MAGI3: variants seen among roughly 807,000 people sequenced by gnomAD.
MAGI3 encodes the protein membrane associated guanylate kinase, WW and PDZ domain containing 3, also known as membrane-associated guanylate kinase, WW and PDZ domain-containing protein 3.
In MAGI3, 43 loss-of-function variants were observed where a neutral mutation model predicts 121.8. The observed-to-expected ratio is 0.35, with a 90% CI of 0.28 to 0.46. The LOEUF (loss-of-function observed/expected upper bound fraction) is 0.46, where lower values mean the gene tolerates loss of function less well. Ranked by LOEUF, MAGI3 falls within the 20% of genes least tolerant of loss-of-function variation. MAGI3 has a pLI of 1.00. For synonymous variants in MAGI3, 553 were observed against 639.3 expected (o/e 0.86, Z 2.04); for missense variants, 1,547 against 1,797.3 (o/e 0.86, Z 2.52).
chr1:113,428,164 T>A (rs567475483), intron 1 of MAGI3, among the ~76,000 whole-genome samples: 3 of 152,234 alleles, frequency 2.0e-5, no homozygotes, highest in Non-Finnish European at 2.9e-5. Flanking sequence ...TTCAACTTGT[T>A]GTTAAAAATG....
intron 2 of MAGI3, among the ~76,000 whole-genome samples, chr1:113,550,840 T>C (rs1659755782): frequency 6.6e-6 from 1 of 151,302 alleles, no homozygotes; most frequent in Admixed American, 6.6e-5. Context: ...GTAAATCAAT[T>C]TGTAAAGCCT....
intron 5 of MAGI3, among the ~76,000 whole-genome samples, chr1:113,591,529 G>A (rs981447244): frequency 1.3e-5 from 2 of 152,108 alleles, no homozygotes; most frequent in African/African-American, 4.8e-5. Context: ...CCAAAAGAGT[G>A]AGCGTCTTGC....
chr1:113,652,559 T>C (rs1363752680), intron 14 of MAGI3, among the ~76,000 whole-genome samples: 1 of 152,076 alleles, frequency 6.6e-6, no homozygotes, highest in Non-Finnish European at 1.5e-5. Flanking sequence ...TGTGATGTTA[T>C]ACAACCTACG....
At chr1:113,437,806 T>TTCTTCTTCTTCTTC (rs1653654507) in intron 1 of MAGI3, among the ~76,000 whole-genome samples, 3 of 119,498 alleles carry the variant, frequency 2.5e-5, no homozygotes, top group African/African-American at 6.2e-5. Context: ...TCTTTCTTCT[T>TTCTTCTTCTTCTTC]TTCTTCTTCT....
intron 1 of MAGI3, among the ~76,000 whole-genome samples, chr1:113,419,489 A>G (rs868448098): frequency 2.0e-5 from 3 of 152,198 alleles, no homozygotes; most frequent in Non-Finnish European, 2.9e-5. Flanking sequence ...GAGGGCAAGT[A>G]AACCAAATGG....
intron 2 of MAGI3, among the ~76,000 whole-genome samples, chr1:113,550,479 G>C (rs1018404151): frequency 6.6e-6 from 1 of 151,836 alleles, no homozygotes; most frequent in Non-Finnish European, 1.5e-5. Context: ...AAAAAGTGAT[G>C]ACTAGAATTT....
chr1:113,681,143 G>T, intron 19 of MAGI3, 55 bp from the exon 20 acceptor site: 1 of 1,582,070 alleles, frequency 6.3e-7, no homozygotes, highest in South Asian at 1.2e-5. Context: ...GACAAAAGCA[G>T]AATTTACAAA....
At chr1:113,603,573 A>G (rs1180223774) in intron 6 of MAGI3, among the ~76,000 whole-genome samples, 1 of 152,138 alleles carries the variant, frequency 6.6e-6, no homozygotes, top group African/African-American at 2.4e-5. Context: ...ATAGACCAGT[A>G]TCCCTGATGA....
intron 1 of MAGI3, among the ~76,000 whole-genome samples, chr1:113,517,749 TC>T (rs1657998898): frequency 6.6e-6 from 1 of 152,008 alleles, no homozygotes; most frequent in Admixed American, 6.6e-5. Flanking sequence ...TAAGCATCTA[TC>T]TATACTTTTA....
chr1:113,532,626 G>T (rs1166667293), intron 1 of MAGI3, among the ~76,000 whole-genome samples: 1 of 151,836 alleles, frequency 6.6e-6, no homozygotes, highest in East Asian at 1.9e-4. Flanking sequence ...TTTGCCTACT[G>T]GTCCCTCTTT....
At chr1:113,604,344 A>G (rs891606973) in intron 6 of MAGI3, among the ~76,000 whole-genome samples, 2 of 151,950 alleles carry the variant, frequency 1.3e-5, no homozygotes, top group African/African-American at 4.8e-5. Context: ...TGAGGCGGGC[A>G]GATCACAAGG....
intron 1 of MAGI3, among the ~76,000 whole-genome samples, chr1:113,526,842 T>C (rs1294137071): frequency 6.6e-6 from 1 of 152,130 alleles, no homozygotes; most frequent in Non-Finnish European, 1.5e-5. Context: ...ATTTGGTGAT[T>C]GAAGAAGAGG....
At chr1:113,642,634 C>A in intron 10 of MAGI3, 118 bp downstream of exon 10, 1 of 1,140,794 alleles carries the variant, frequency 8.8e-7, no homozygotes, top group Non-Finnish European at 1.2e-6. Context: ...AATTAGTGTG[C>A]ATTTTCCTTA....
chr1:113,463,697 A>C (rs1402292397), intron 1 of MAGI3, among the ~76,000 whole-genome samples: 1 of 152,038 alleles, frequency 6.6e-6, no homozygotes, highest in Non-Finnish European at 1.5e-5. Flanking sequence ...GTATTTGGTG[A>C]GAGTTTCTTT....
chr1:113,463,834 T>C (rs544585304), intron 1 of MAGI3, among the ~76,000 whole-genome samples: 1 of 152,198 alleles, frequency 6.6e-6, no homozygotes, highest in East Asian at 1.9e-4. Context: ...ATTAATACTG[T>C]ATAGAATAGA....
At chr1:113,636,775 G>A (rs1315280365) in intron 9 of MAGI3, among the ~76,000 whole-genome samples, 2 of 151,736 alleles carry the variant, frequency 1.3e-5, no homozygotes, top group Non-Finnish European at 2.9e-5. Flanking sequence ...TCAATTCCTG[G>A]ATATCCTTGT....
chr1:113,585,244 A>G (rs1225828244), intron 3 of MAGI3, 143 bp from the exon 4 acceptor site: 6 of 707,676 alleles, frequency 8.5e-6, no homozygotes, highest in Non-Finnish European at 1.4e-5. Context: ...CTGGGATTAC[A>G]AGTGTGAGCC....
At position 113,658,709 on chromosome 1, in the gene MAGI3, G is replaced by C. The variant is rs1557878526; in HGVS notation, c.2630-371G>C. Among the ~76,000 whole-genome samples the C allele has an allele frequency of 6.6e-6, 1 of 152,160 alleles. No homozygotes were observed. Among genetic ancestry groups the C allele is most frequent in the Non-Finnish European group, 1.5e-5 (1 of 68,016 alleles). On this transcript the variant is annotated intron_variant, in intron 15 of 20. Transcript: ENST00000307546. This position sits in a 1 kb window ranked among gnomAD's most constrained non-coding sequence, Gnocchi z 4.0. ...TTAAAATAGCTAAAAACTTGTTGCA[G>C]CTTAAATGGCCAACAATAAACAATG...
chr1:113,618,247 A>T (rs1650598859), intron 7 of MAGI3, among the ~76,000 whole-genome samples: 1 of 152,054 alleles, frequency 6.6e-6, no homozygotes, highest in African/African-American at 2.4e-5. Context: ...TGAGGTGGGA[A>T]TATCGTTTGA....
Sources: allele counts gnomAD v4.1 joint callset (sites outside exome capture counted in the v4.1 genomes callset), GRCh38; gene constraint gnomAD v4.1.1; non-coding constraint Gnocchi (gnomAD v3.1); transcripts MANE v1.5; gene names NCBI Gene and HGNC (gene_info 2026-07-23, HGNC 2026-07-21).